The following DPF3 variants were observed in gnomAD, a reference collection of about 807,000 sequenced individuals.
DPF3 encodes double PHD fingers 3.
In DPF3, 18 loss-of-function variants were observed where a neutral mutation model predicts 56.8. The observed-to-expected ratio is 0.32, with a 90% CI of 0.22 to 0.47. The LOEUF (loss-of-function observed/expected upper bound fraction) is 0.47, where lower values mean the gene tolerates loss of function less well. DPF3 is among the 20% of genes least tolerant of loss of function. The pLI is 1.00. For synonymous variants in DPF3, 188 were observed against 180.2 expected (o/e 1.04, Z -0.35); for missense variants, 403 against 488.8 (o/e 0.82, Z 1.65).
intron 8 of DPF3, among the ~76,000 whole-genome samples, chr14:72,658,793 T>C (rs1027841680): frequency 6.6e-6 from 1 of 152,166 alleles, no homozygotes; most frequent in African/African-American, 2.4e-5. Context: ...TATGAGAATC[T>C]GAACAAGGCA....
chr14:72,803,775 T>C (rs926188220), intron 1 of DPF3, among the ~76,000 whole-genome samples: 2 of 152,240 alleles, frequency 1.3e-5, no homozygotes, highest in African/African-American at 2.4e-5. Context: ...AATGAATGCC[T>C]ACATTCTCCA....
At chr14:72,664,615 C>A (rs1203632221) in intron 8 of DPF3, among the ~76,000 whole-genome samples, 1 of 151,910 alleles carries the variant, frequency 6.6e-6, no homozygotes, top group Non-Finnish European at 1.5e-5. Flanking sequence ...CCCTCACCAC[C>A]ACCTCACCAC....
intron 1 of DPF3, among the ~76,000 whole-genome samples, chr14:72,820,257 T>C (rs1400648375): frequency 6.6e-6 from 1 of 152,130 alleles, no homozygotes; most frequent in African/African-American, 2.4e-5. Context: ...ATACAAAATG[T>C]CATGCAAATT....
intron 1 of DPF3, among the ~76,000 whole-genome samples, chr14:72,876,836 G>T (rs1235357609): frequency 6.6e-6 from 1 of 152,216 alleles, no homozygotes; most frequent in East Asian, 1.9e-4. Flanking sequence ...TAGGCTGATC[G>T]TTTAGCGCAG....
chr14:72,849,115 T>C (rs903978975), intron 1 of DPF3, among the ~76,000 whole-genome samples: 2 of 152,256 alleles, frequency 1.3e-5, no homozygotes, highest in African/African-American at 4.8e-5. Flanking sequence ...CCCAAGTTGT[T>C]TGAGCCTAAA....
chr14:72,746,070 G>T (rs1241337366), intron 3 of DPF3, among the ~76,000 whole-genome samples: 2 of 152,168 alleles, frequency 1.3e-5, no homozygotes, highest in Non-Finnish European at 2.9e-5. Flanking sequence ...ACCAGAAAGG[G>T]CATCATACGT....
intron 1 of DPF3, among the ~76,000 whole-genome samples, chr14:72,828,682 A>G (rs1316897703): frequency 6.6e-6 from 1 of 152,136 alleles, no homozygotes; most frequent in Non-Finnish European, 1.5e-5. Context: ...ATGAAGGGCA[A>G]AGGCTGAGAA....
chr14:72,844,159 G>A (rs1386812082), intron 1 of DPF3, among the ~76,000 whole-genome samples: 1 of 152,192 alleles, frequency 6.6e-6, no homozygotes, highest in Non-Finnish European at 1.5e-5. Flanking sequence ...ACACATAACA[G>A]GTTCTAGTCC....
chr14:72,817,487 C>T (rs1360505307), intron 1 of DPF3, among the ~76,000 whole-genome samples: 1 of 152,068 alleles, frequency 6.6e-6, no homozygotes, highest in African/African-American at 2.4e-5. Flanking sequence ...ATGGCAAAAC[C>T]CCGTCTCAAC....
intron 1 of DPF3, among the ~76,000 whole-genome samples, chr14:72,826,765 G>A (rs1034290622): frequency 3.9e-5 from 6 of 152,070 alleles, no homozygotes; most frequent in South Asian, 2.1e-4. Flanking sequence ...ACAGATGGCC[G>A]GGCGCGGTGG....
At chr14:72,773,633 C>A (rs931961816) in intron 1 of DPF3, among the ~76,000 whole-genome samples, 1 of 152,182 alleles carries the variant, frequency 6.6e-6, no homozygotes, top group African/African-American at 2.4e-5. Flanking sequence ...TCCGCCTCTG[C>A]CCCCATCTCC....
chr14:72,670,606 G>A (rs995589327), intron 8 of DPF3: 1 of 987,180 alleles, frequency 1.0e-6, no homozygotes, highest in African/African-American at 1.8e-5. Context: ...CCTCTAAACA[G>A]GATATTGCTT....
intron 8 of DPF3, among the ~76,000 whole-genome samples, chr14:72,665,708 A>T (rs919038939): frequency 2.6e-5 from 4 of 152,218 alleles, no homozygotes; most frequent in African/African-American, 9.7e-5. Flanking sequence ...CCCAGACTGG[A>T]TCCTGGACCA....
intron 1 of DPF3, among the ~76,000 whole-genome samples, chr14:72,824,597 TCA>T (rs898688219): frequency 3.6e-4 from 54 of 150,832 alleles, no homozygotes; most frequent in African/African-American, 1.2e-3. Flanking sequence ...AGACAGAGTC[TCA>T]CTCTATCGCC....
rs1884187577 is a variant in DPF3, at chr14:72,617,898, G to GA, written c.*1398dup. ...AGCATGCGCGAGGGTTCCGCTCACC[G>GA]AGACCTGCCCTTTGGGCAAATGATT... On this transcript the variant is annotated 3_prime_UTR_variant, in exon 11 of 11. Transcript: ENST00000556509. 6.6e-6 allele frequency among the ~76,000 whole-genome samples: 1 copy of GA among 152,130 alleles called. No individual in the cohort carries two copies.
At chr14:72,731,720 G>A (rs1226396608) in intron 4 of DPF3, 87 bp downstream of exon 4, 3 of 1,559,158 alleles carry the variant, frequency 1.9e-6, no homozygotes, top group Non-Finnish European at 2.6e-6. Flanking sequence ...CTTGAGGGGA[G>A]GATCTGGAGC....
chr14:72,881,614 A>G (rs921377013), intron 1 of DPF3, among the ~76,000 whole-genome samples: 6 of 152,220 alleles, frequency 3.9e-5, no homozygotes, highest in South Asian at 2.1e-4. Flanking sequence ...CAAACAACAA[A>G]TAAGGCAGAT....
intron 1 of DPF3, among the ~76,000 whole-genome samples, chr14:72,840,523 G>A (rs1884501474): frequency 6.6e-6 from 1 of 151,978 alleles, no homozygotes; most frequent in Non-Finnish European, 1.5e-5. Flanking sequence ...CCATATTCAT[G>A]TAATTTTACA....
intron 1 of DPF3, among the ~76,000 whole-genome samples, chr14:72,880,932 A>C (rs912660171): frequency 2.0e-5 from 3 of 152,230 alleles, no homozygotes; most frequent in Non-Finnish European, 2.9e-5. Context: ...GGCAGCCTCC[A>C]GTGGAGAAGG....
Sources: allele counts gnomAD v4.1 joint callset (sites outside exome capture counted in the v4.1 genomes callset), GRCh38; gene constraint gnomAD v4.1.1; transcripts MANE v1.5; gene names NCBI Gene and HGNC (gene_info 2026-07-23, HGNC 2026-07-21).